Variants in APLF observed in about 807,000 individuals in gnomAD.
The protein encoded by APLF is aprataxin and PNKP like factor.
APLF carries 61 observed loss-of-function variants against 55.6 expected under a neutral mutation model. The ratio of observed to expected loss-of-function variants is 1.10; its 90% CI spans 0.89 to 1.36. The LOEUF is 1.36. Among genes scored for constraint, APLF ranks in the 40% most tolerant of loss-of-function variants. The pLI is 0.00. For missense variants in APLF, 611 were observed against 602.5 expected, an observed-to-expected ratio of 1.01 and a Z score of -0.15; for synonymous variants, 207 against 214.8, an observed-to-expected ratio of 0.96 and a Z score of 0.32.
chr2:68,488,140 A>G (rs1676241463), intron 1 of APLF, among the ~76,000 whole-genome samples: 1 of 152,120 alleles, frequency 6.6e-6, no homozygotes, highest in African/African-American at 2.4e-5. Flanking sequence ...TTTATATGCC[A>G]TAGTTTTATA....
chr2:68,483,014 C>T (rs562230532), intron 1 of APLF, among the ~76,000 whole-genome samples: 2 of 151,712 alleles, frequency 1.3e-5, no homozygotes, highest in African/African-American at 2.4e-5. Flanking sequence ...CCCAGGCTCT[C>T]AGTAACTGGA....
At chr2:68,475,092 C>T (rs1028969638) in intron 1 of APLF, among the ~76,000 whole-genome samples, 2 of 152,158 alleles carry the variant, frequency 1.3e-5, no homozygotes, top group Non-Finnish European at 2.9e-5. Context: ...TCTGCTGAAC[C>T]GAACTGAATA....
At chr2:68,551,602 TC>T (rs1670865475) in intron 8 of APLF, among the ~76,000 whole-genome samples, 2 of 135,818 alleles carry the variant, frequency 1.5e-5, no homozygotes, top group African/African-American at 3.1e-5. Flanking sequence ...TTCTTCTTCT[TC>T]TTTTTTTTTT....
chr2:68,473,918 A>C (rs989214949), intron 1 of APLF, among the ~76,000 whole-genome samples: 1 of 152,136 alleles, frequency 6.6e-6, no homozygotes, highest in Non-Finnish European at 1.5e-5. Flanking sequence ...CAGCTCCCAC[A>C]TGTTGAGGGC....
chr2:68,470,071 T>G (rs1033678508), intron 1 of APLF, among the ~76,000 whole-genome samples: 2 of 152,224 alleles, frequency 1.3e-5, no homozygotes, highest in African/African-American at 4.8e-5. Context: ...TTGTTCCCTT[T>G]GCTTTCATGT....
At position 68,566,521 on chromosome 2, in the gene APLF, T is replaced by G. The variant is rs868866985; in HGVS notation, c.1287-820T>G. 2.6e-5 allele frequency among the ~76,000 whole-genome samples: 4 copies of G among 152,210 alleles called. No individual in the cohort carries two copies. In the South Asian group the frequency reaches 6.2e-4, roughly 24 times the overall value. On this transcript the variant is annotated intron_variant, in intron 8 of 9. Coordinates refer to ENST00000303795, the MANE Select transcript of APLF (RefSeq NM_173545.3). Reference sequence around the variant, plus strand: ...AATGAACAAATGAACATTTGTCATGTAAAAATAATCACTCCTGACACAGGT... The same window carrying G: ...AATGAACAAATGAACATTTGTCATGGAAAAATAATCACTCCTGACACAGGT...
chr2:68,503,607 A>G (rs989622532), intron 3 of APLF, among the ~76,000 whole-genome samples: 1 of 152,130 alleles, frequency 6.6e-6, no homozygotes, highest in Non-Finnish European at 1.5e-5. Flanking sequence ...CACATTTCTA[A>G]ATTACCCTTG....
intron 5 of APLF, among the ~76,000 whole-genome samples, chr2:68,524,341 T>C (rs1404141800): frequency 6.6e-6 from 1 of 152,230 alleles, no homozygotes; most frequent in African/African-American, 2.4e-5. Context: ...CATTGGCATT[T>C]CTTTCCTGAA....
At chr2:68,564,201 G>A (rs1212302740) in intron 8 of APLF, among the ~76,000 whole-genome samples, 1 of 152,006 alleles carries the variant, frequency 6.6e-6, no homozygotes, top group African/African-American at 2.4e-5. Context: ...CCCACAAATC[G>A]TCACCATAGC....
At chr2:68,556,195 C>T (rs1671003555) in intron 8 of APLF, among the ~76,000 whole-genome samples, 1 of 152,074 alleles carries the variant, frequency 6.6e-6, no homozygotes, top group Non-Finnish European at 1.5e-5. Flanking sequence ...GCTTTGGGAA[C>T]TTGGGGAGAA....
chr2:68,577,732 G>A, intron 9 of APLF, 88 bp from the exon 10 acceptor site: 1 of 1,486,466 alleles, frequency 6.7e-7, no homozygotes, highest in Non-Finnish European at 9.1e-7. Flanking sequence ...TAATCCTCTG[G>A]ATGCAGAAAG....
chr2:68,518,199 TATATAATA>T (rs1293276963), intron 5 of APLF, among the ~76,000 whole-genome samples: 1 of 121,786 alleles, frequency 8.2e-6, no homozygotes, highest in Non-Finnish European at 1.6e-5. Flanking sequence ...ATATTACTAA[TATATAATA>T]ATATATCGTT....
At chr2:68,493,969 G>A (rs560957940) in intron 2 of APLF, among the ~76,000 whole-genome samples, 16 of 152,198 alleles carry the variant, frequency 1.1e-4, no homozygotes, top group African/African-American at 2.6e-4. Context: ...TTATCCAGGC[G>A]TGGTGGCGGG....
At chr2:68,540,025 C>T (rs1670502673) in intron 7 of APLF, among the ~76,000 whole-genome samples, 1 of 152,098 alleles carries the variant, frequency 6.6e-6, no homozygotes, top group Non-Finnish European at 1.5e-5. Context: ...ACTCTGAGTT[C>T]TGGAATACAT....
intron 3 of APLF, among the ~76,000 whole-genome samples, chr2:68,512,175 A>G (rs746588178): frequency 4.6e-5 from 7 of 151,476 alleles, no homozygotes; most frequent in East Asian, 1.9e-4. Context: ...CATTTCCCCA[A>G]ATGTTCTCTC....
At chr2:68,548,759 T>G (rs1380679612) in intron 8 of APLF, among the ~76,000 whole-genome samples, 1 of 151,992 alleles carries the variant, frequency 6.6e-6, no homozygotes, top group Non-Finnish European at 1.5e-5. Context: ...AAAAAAAACT[T>G]TTGTAATGGA....
chr2:68,567,025 T>C (rs1235820416), intron 8 of APLF, among the ~76,000 whole-genome samples: 2 of 152,084 alleles, frequency 1.3e-5, no homozygotes, highest in African/African-American at 4.8e-5. Flanking sequence ...TATATTTGCA[T>C]ATATGTGATA....
chr2:68,512,998 G>A, intron 3 of APLF, 82 bp from the exon 4 acceptor site: 1 of 1,309,010 alleles, frequency 7.6e-7, no homozygotes, highest in Admixed American at 2.2e-5. Flanking sequence ...CTGAGTAAAG[G>A]GACATAACTT....
At chr2:68,577,736 C>G in intron 9 of APLF, 84 bp from the exon 10 acceptor site, 1 of 1,505,486 alleles carries the variant, frequency 6.6e-7, no homozygotes. Flanking sequence ...CCTCTGGATG[C>G]AGAAAGACAT....
Sources: gnomAD v4.1 joint callset for allele counts (sites outside exome capture counted in the v4.1 genomes callset) on GRCh38, gnomAD v4.1.1 for gene constraint, MANE v1.5 for transcripts, NCBI Gene and HGNC (gene_info 2026-07-23, HGNC 2026-07-21) for gene names.